The following SHROOM1 variants were observed in gnomAD, a reference collection of about 807,000 sequenced individuals.
SHROOM1 encodes the protein shroom family member 1.
A neutral mutation model predicts 64.2 loss-of-function variants in SHROOM1; 53 were observed. That is an observed-to-expected ratio of 0.83 (90% CI 0.66 to 1.04). The LOEUF is 1.04. Ranked by LOEUF, SHROOM1 falls within the 50% of genes least tolerant of loss-of-function variation. The pLI is 0.00. For synonymous variants in SHROOM1, 490 were observed against 518.9 expected (o/e 0.94, Z 0.76); for missense variants, 1,179 against 1,163.2 (o/e 1.01, Z -0.20).
Position 132,824,058 on chromosome 5 carries a change from G to T in SHROOM1, c.1603C>A (p.Pro535Thr). ...TCGAGGCACTGACTAGGCCATGTGG[G>T]CCTGGAACCAGGCTGGCCAGTGCCC... is the stretch of plus-strand genomic sequence containing the variant. ...ARGTGQPGSR[P>T]TWPSQCLEEL... The change falls in exon 7 of 10, where the codon CCC becomes ACC. Residue 535 changes from proline (P) to threonine (T), a missense_variant. By Grantham distance (38) the Pro-to-Thr change is conservative. Transcript: ENST00000378679. The T allele has an allele frequency of 1.2e-6, 2 of 1,611,846 alleles. No individual in the cohort carries two copies. The highest frequency in any genetic ancestry group is 8.5e-7 in the Non-Finnish European group (1 of 1,178,698).
In SHROOM1 at chr5:132,823,548, C is replaced by A; in HGVS notation, c.1954-26G>T. 6.3e-7 allele frequency: 1 copy of A among 1,578,894 alleles called. No homozygotes were observed. Among genetic ancestry groups the A allele is most frequent in the Non-Finnish European group, 8.6e-7 (1 of 1,158,820 alleles). Reference sequence around the variant, plus strand: ...CTACAGGGAAGGCTCAAGGCTGGGGCCAGGCTCATGACTTCCCTGCCCAGG... The same window carrying A: ...CTACAGGGAAGGCTCAAGGCTGGGGACAGGCTCATGACTTCCCTGCCCAGG... On this transcript the variant is annotated intron_variant, in intron 8 of 9. Transcript: ENST00000378679. This position sits in a 1 kb window ranked among gnomAD's most constrained non-coding sequence, Gnocchi z 4.6.
intron 3 of SHROOM1, 27 bp downstream of exon 3, chr5:132,826,250 C>T (rs1758697991): frequency 4.8e-6 from 6 of 1,256,014 alleles, no homozygotes; most frequent in Non-Finnish European, 6.0e-6. Flanking sequence ...CTGCTGGCCC[C>T]GCCACCACGG....
chr5:132,826,825 C>T (rs982392562), intron 2 of SHROOM1: 2 of 152,318 alleles, frequency 1.3e-5, no homozygotes, highest in Non-Finnish European at 2.9e-5. Flanking sequence ...CAGGGCCACA[C>T]AGCTGGGACG....
Position 132,823,688 on chromosome 5 carries a change from G to A in SHROOM1, c.1888C>T (p.Pro630Ser), listed in dbSNP as rs1758541900. The A allele has an allele frequency of 5.6e-6, 9 of 1,612,358 alleles. No homozygotes were observed. The highest frequency in any genetic ancestry group is 7.6e-6 in the Non-Finnish European group (9 of 1,179,308). ...TGCCCACATGGCTGGTCAAGCACAGGGTGGGTGGCAGGGTTTTCAAGCCTT... is the reference window on the plus strand; with the variant it reads ...TGCCCACATGGCTGGTCAAGCACAGAGTGGGTGGCAGGGTTTTCAAGCCTT... ...ETRLENPATH[P>S]VLDQPCGQGL... Residue 630 changes from proline (P) to serine (S), a missense_variant, in exon 8 of 10, where the codon CCT becomes TCT. By Grantham distance (74) the Pro-to-Ser change is moderately conservative. Coordinates refer to ENST00000378679, the MANE Select transcript of SHROOM1 (RefSeq NM_001172700.2). The surrounding 1 kb of genome is among the most constrained non-coding windows in gnomAD (Gnocchi z 4.6).
At chr5:132,828,049 C>A (rs1452976770) in intron 1 of SHROOM1, among the ~76,000 whole-genome samples, 1 of 152,088 alleles carries the variant, frequency 6.6e-6, no homozygotes, top group Non-Finnish European at 1.5e-5. Flanking sequence ...GCGCTGGCCT[C>A]CATTCTCTGA....
chr5:132,825,275 G>A lies in SHROOM1; in HGVS notation c.866C>T (p.Ser289Phe), dbSNP rs1184227500. The A allele has an allele frequency of 1.2e-6, 2 of 1,613,564 alleles. No homozygotes were observed. Among genetic ancestry groups the A allele is most frequent in the Admixed American group, 3.3e-5 (2 of 59,996 alleles). The change falls in exon 4 of 10, where the codon TCC becomes TTC. Residue 289 changes from serine (S) to phenylalanine (F), a missense_variant. Ser to Phe is a radical substitution (Grantham distance 155, BLOSUM62 -2). Coordinates refer to ENST00000378679, the MANE Select transcript of SHROOM1 (RefSeq NM_001172700.2). This position sits in a 1 kb window ranked among gnomAD's most constrained non-coding sequence, Gnocchi z 5.1. ...TQPQGSMNLD[S>F]GSLKLGDAFR... Reference sequence around the variant, plus strand: ...GGCATCACCGAGCTTCAAGGACCCGGAGTCCAGGTTCATGGAGCCTTGGGG... The same window carrying A: ...GGCATCACCGAGCTTCAAGGACCCGAAGTCCAGGTTCATGGAGCCTTGGGG...
intron 1 of SHROOM1, chr5:132,829,688 C>T: frequency 1.0e-6 from 1 of 985,460 alleles, no homozygotes; most frequent in Non-Finnish European, 1.2e-6. Context: ...CAGTACTGGG[C>T]TCACTGTGTA....
chr5:132,825,400 G>C lies in SHROOM1; in HGVS notation c.741C>G (p.Cys247Trp). 6.3e-7 allele frequency: 1 copy of C among 1,596,440 alleles called. No individual in the cohort carries two copies. The highest frequency in any genetic ancestry group is 8.5e-7 in the Non-Finnish European group (1 of 1,178,540). ...GPARECLGEA[C>W]SSSGLPGPEP... ...CGGGCCCAGGGAGGCCAGAGCTGGA[G>C]CAGGCCTCACCCAGGCATTCCCGCG... Residue 247 changes from cysteine to tryptophan, a missense_variant, in exon 4 of 10, where the codon TGC becomes TGG. By Grantham distance (215) the Cys-to-Trp change is radical. Transcript: ENST00000378679. This position sits in a 1 kb window ranked among gnomAD's most constrained non-coding sequence, Gnocchi z 5.1.
At position 132,824,597 on chromosome 5, in the gene SHROOM1, GAAGC is replaced by G. The variant is rs568456502; in HGVS notation, c.1241+14_1241+17del. ...GTCAGGGGGTGCCTCACGATGCTTG[GAAGC>G]AAGAGGGAATTACCTGGCTGGGGGC... On this transcript the variant is annotated intron_variant, in intron 6 of 9. Transcript: ENST00000378679. The G allele has an allele frequency of 9.0e-4, 1,441 of 1,600,608 alleles. 7 individuals carry two copies. The highest frequency in any genetic ancestry group is 4.6e-3 in the Admixed American group (272 of 59,636).
rs1758487566 is a variant in SHROOM1, at chr5:132,822,800, G to A, written c.2555C>T (p.Thr852Ile). Residue 852 changes from threonine to isoleucine, a missense_variant, in exon 10 of 10, where the codon ACA becomes ATA. By Grantham distance (89) the Thr-to-Ile change is moderately conservative. Coordinates refer to ENST00000378679, the MANE Select transcript of SHROOM1 (RefSeq NM_001172700.2). Reference protein sequence around the residue: ...PVQPPFPLLLT With the variant: ...PVQPPFPLLLI ...CCCCACCCTCTCCACCTATAACTAT[G>A]TAAGGAGAAGAGGGAAGGGCGGCTG... 1.2e-6 allele frequency: 2 copies of A among 1,600,212 alleles called. No homozygotes were observed. The highest frequency in any genetic ancestry group is 1.7e-6 in the Non-Finnish European group (2 of 1,173,620).
chr5:132,823,601 C>T lies in SHROOM1; in HGVS notation c.1953+22G>A. ...CTGGGCTCCTACCCACCCCCAGCCT[C>T]CACCAGCCCTTCTCCACTCACTTTC... On this transcript the variant is annotated intron_variant, in intron 8 of 9. Transcript: ENST00000378679. This position sits in a 1 kb window ranked among gnomAD's most constrained non-coding sequence, Gnocchi z 4.6. 6.4e-7 allele frequency: 1 copy of T among 1,573,478 alleles called. No individual in the cohort carries two copies. The highest frequency in any genetic ancestry group is 1.7e-4 in the Middle Eastern group (1 of 5,876).
At chr5:132,829,858 C>A (rs369491218) in intron 1 of SHROOM1, 13 of 985,366 alleles carry the variant, frequency 1.3e-5, no homozygotes, top group Middle Eastern at 5.2e-4. Flanking sequence ...GCTGACAGCG[C>A]ACCCCACGCA....
At position 132,823,764 on chromosome 5, in the gene SHROOM1, C is replaced by A; in HGVS notation, c.1812G>T (p.Gly604=). 6.4e-7 allele frequency: 1 copy of A among 1,565,530 alleles called. No homozygotes were observed. The highest frequency in any genetic ancestry group is 8.6e-7 in the Non-Finnish European group (1 of 1,158,828). Residue 604 remains glycine (G), a splice_region_variant and synonymous_variant, in exon 8 of 10, where the codon GGG becomes GGT. Transcript: ENST00000378679. The surrounding 1 kb of genome is among the most constrained non-coding windows in gnomAD (Gnocchi z 4.6). The part of the protein sequence containing the change: ...GEEAASTFEP[G]SYQFSFTQLL... The stretch of plus-strand genomic sequence containing the variant: ...GCTGGGTGAAGCTGAACTGATAGGA[C>A]CTGGGAACAAAACCAGAGCTCCCTG...
Position 132,829,490 on chromosome 5 carries a change from G to T in SHROOM1, c.-501+1104C>A, listed in dbSNP as rs927406618. 4 of 812,524 alleles carry T rather than the reference G, an allele frequency of 4.9e-6. No homozygotes were observed. In the African/African-American group the frequency reaches 7.4e-5, roughly 15 times the overall value. 50.3% of individuals were successfully genotyped at this position (812,524 alleles called of 1,614,324 possible). ...GGGGAAATAGCTGAAGACAGTTTCCGGTGGATAAAATCACACCAAGGCAAT... is the reference window on the plus strand; with the variant it reads ...GGGGAAATAGCTGAAGACAGTTTCCTGTGGATAAAATCACACCAAGGCAAT... On this transcript the variant is annotated intron_variant, in intron 1 of 9. Coordinates refer to ENST00000378679, the MANE Select transcript of SHROOM1 (RefSeq NM_001172700.2).
At chr5:132,824,460 C>G (rs767975614) in intron 6 of SHROOM1, 41 bp from the exon 7 acceptor site, 2 of 1,523,188 alleles carry the variant, frequency 1.3e-6, no homozygotes, top group Non-Finnish European at 8.8e-7. Context: ...AAGCTCCAGC[C>G]ACAAACAAAT....
In SHROOM1 at chr5:132,823,278, G is replaced by A; in HGVS notation, c.2198C>T (p.Ala733Val). 6.3e-7 allele frequency: 1 copy of A among 1,599,432 alleles called. No homozygotes were observed. Among genetic ancestry groups the A allele is most frequent in the Non-Finnish European group, 8.5e-7 (1 of 1,178,410 alleles). ...CTCATCAGGGTCGCTGTCTGAGGCC[G>A]CCCGGGCCAGGGCGCGGCGCACGCG... is the stretch of plus-strand genomic sequence containing the variant. Reference protein sequence around the residue: ...LARVRRALARAASDSDPDEQA... With the variant: ...LARVRRALARVASDSDPDEQA... The change falls in exon 9 of 10, where the codon GCG becomes GTG. Residue 733 changes from alanine (A) to valine (V), a missense_variant. Physicochemically the swap from Ala to Val is moderately conservative, Grantham distance 64 (BLOSUM62 0). Coordinates refer to ENST00000378679, the MANE Select transcript of SHROOM1 (RefSeq NM_001172700.2). The surrounding 1 kb of genome is among the most constrained non-coding windows in gnomAD (Gnocchi z 4.6).
chr5:132,825,366 C>T lies in SHROOM1; in HGVS notation c.775G>A (p.Glu259Lys). Residue 259 changes from glutamate (E) to lysine (K), a missense_variant, in exon 4 of 10, where the codon GAG (glutamate) becomes AAG (lysine). Coordinates refer to ENST00000378679, the MANE Select transcript of SHROOM1 (RefSeq NM_001172700.2). This position sits in a 1 kb window ranked among gnomAD's most constrained non-coding sequence, Gnocchi z 5.1. ...TTAGCCAGCGCCGGATGCTGGAACT[C>T]CAAGGGCTCGGGCCCAGGGAGGCCA... The part of the protein sequence containing the change: ...SSGLPGPEPL[E>K]FQHPALAKFE... 1 of 1,599,142 alleles carries T rather than the reference C, an allele frequency of 6.3e-7. No individual in the cohort carries two copies. Among genetic ancestry groups the T allele is most frequent in the Non-Finnish European group, 8.5e-7 (1 of 1,178,934 alleles).
In SHROOM1 at chr5:132,830,256, A is replaced by C; in HGVS notation, c.-501+338T>G. On this transcript the variant is annotated intron_variant, in intron 1 of 9. Transcript: ENST00000378679. The surrounding 1 kb of genome is among the most constrained non-coding windows in gnomAD (Gnocchi z 5.9). ...GGCTTCTCCAGATGCTTGGCGACAA[A>C]GGGCAGGAGCGGAGGGTGGCGGAGT... 1.0e-6 allele frequency: 1 copy of C among 985,262 alleles called. No individual in the cohort carries two copies. The highest frequency in any genetic ancestry group is 1.2e-6 in the Non-Finnish European group (1 of 829,858). 61.0% of individuals were successfully genotyped at this position (985,262 alleles called of 1,614,324 possible). A position where few individuals can be genotyped will look rare whatever the true frequency, so the allele number is the denominator to read the frequency against.
At position 132,823,197 on chromosome 5, in the gene SHROOM1, G is replaced by A; in HGVS notation, c.2226+53C>T. ...GCCGCTCCCGGAATGGTTCCAGCCG[G>A]AGACAGCAGGCCCCTCACCGCCCTA... On this transcript the variant is annotated intron_variant, in intron 9 of 9. Transcript: ENST00000378679. This position sits in a 1 kb window ranked among gnomAD's most constrained non-coding sequence, Gnocchi z 4.6. 3.2e-6 allele frequency: 5 copies of A among 1,555,674 alleles called. No individual in the cohort carries two copies. Among genetic ancestry groups the A allele is most frequent in the Non-Finnish European group, 4.3e-6 (5 of 1,159,132 alleles).
Sources: gnomAD v4.1 joint callset for allele counts (sites outside exome capture counted in the v4.1 genomes callset) on GRCh38, gnomAD v4.1.1 for gene constraint, Gnocchi (gnomAD v3.1) non-coding constraint, MANE v1.5 for transcripts, NCBI Gene and HGNC (gene_info 2026-07-23, HGNC 2026-07-21) for gene names.